Variants in PCDHA8 observed in about 807,000 individuals in gnomAD.
PCDHA8 encodes the protein protocadherin alpha-8.
Under a neutral mutation model 61.8 loss-of-function variants are expected in PCDHA8, and 53 were observed. That is an observed-to-expected ratio of 0.86 (90% CI 0.69 to 1.08). PCDHA8 has a LOEUF of 1.08. Among genes scored for constraint, PCDHA8 ranks in the 50% least tolerant of loss-of-function variants. The pLI is 0.00. For missense variants in PCDHA8, 1,293 were observed against 1,245.0 expected (o/e 1.04, Z -0.58); for synonymous variants, 618 against 556.6 (o/e 1.11, Z -1.55).
chr5:140,875,386 C>G, intron 1 of PCDHA8: 1 of 1,465,972 alleles, frequency 6.8e-7, no homozygotes, highest in Non-Finnish European at 9.0e-7. Flanking sequence ...TATGTACTTA[C>G]AGAAAAGGGT....
chr5:140,851,482 A>G lies in PCDHA8; in HGVS notation c.2394+7767A>G, dbSNP rs920921115. ...AATTATGTCAATAAATGTTATAAAC[A>G]CAGCCTTCATTTCAACTTATATAAA... On this transcript the variant is annotated intron_variant, in intron 1 of 3. Coordinates refer to ENST00000531613, the MANE Select transcript of PCDHA8 (RefSeq NM_018911.3). 35 of 893,414 alleles carry G rather than the reference A, an allele frequency of 3.9e-5. 3 individuals carry two copies. The highest frequency in any genetic ancestry group is 4.2e-5 in the Non-Finnish European group (31 of 732,620). The allele number at this position is 893,414 out of a possible 1,614,324, so 55.3% of individuals were successfully genotyped here. A position where few individuals can be genotyped will look rare whatever the true frequency, so the allele number is the denominator to read the frequency against.
chr5:140,889,205 A>G (rs573455914), intron 1 of PCDHA8, among the ~76,000 whole-genome samples: 1 of 151,946 alleles, frequency 6.6e-6, no homozygotes, highest in East Asian at 2.0e-4. Context: ...TGAATACTTA[A>G]CAAAGAAGAA....
chr5:140,915,283 C>T (rs1395177735), intron 1 of PCDHA8, among the ~76,000 whole-genome samples: 1 of 152,068 alleles, frequency 6.6e-6, no homozygotes, highest in African/African-American at 2.4e-5. Context: ...ATCATTTACT[C>T]TTTCTACTTA....
At chr5:140,977,813 C>T (rs1347788650) in intron 1 of PCDHA8, among the ~76,000 whole-genome samples, 1 of 152,192 alleles carries the variant, frequency 6.6e-6, no homozygotes, top group Non-Finnish European at 1.5e-5. Flanking sequence ...GAATTATTGA[C>T]AGTTTTGAAT....
chr5:140,993,293 A>G (rs1445204823), intron 3 of PCDHA8, among the ~76,000 whole-genome samples: 1 of 152,062 alleles, frequency 6.6e-6, no homozygotes, highest in African/African-American at 2.4e-5. Flanking sequence ...CAGGGTCACA[A>G]CCTTGCCTCC....
chr5:140,923,964 C>A (rs1410428693), intron 1 of PCDHA8, among the ~76,000 whole-genome samples: 1 of 152,160 alleles, frequency 6.6e-6, no homozygotes, highest in East Asian at 1.9e-4. Context: ...CTAATCTATA[C>A]CCACACATAC....
At chr5:140,927,610 A>C in intron 1 of PCDHA8, 2 of 1,614,162 alleles carry the variant, frequency 1.2e-6, no homozygotes, top group Non-Finnish European at 1.7e-6. Flanking sequence ...CGTATACCGC[A>C]CCAAGGTTCC....
chr5:140,927,980 G>A, intron 1 of PCDHA8: 2 of 1,614,220 alleles, frequency 1.2e-6, no homozygotes, highest in Non-Finnish European at 1.7e-6. Flanking sequence ...GCTCTCTTTA[G>A]TGTAAAGGAT....
intron 1 of PCDHA8, chr5:140,969,583 AG>A: frequency 1.1e-6 from 1 of 914,068 alleles, no homozygotes; most frequent in South Asian, 1.9e-5. Context: ...AGTGAGGATT[AG>A]TCTTAATATT....
chr5:140,927,720 G>T lies in PCDHA8; in HGVS notation c.2395-51229G>T. The T allele has an allele frequency of 3.1e-6, 5 of 1,614,174 alleles. No homozygotes were observed. The Middle Eastern group carries it at 4.9e-4, about 160-fold the overall frequency. On this transcript the variant is annotated intron_variant, in intron 1 of 3. Coordinates refer to ENST00000531613, the MANE Select transcript of PCDHA8 (RefSeq NM_018911.3). ...TCCAGTACTCCCTAAGCAACAGCACGCAAGCAGAGCTGCGACACCGCTTTC... is the reference window on the plus strand; with the variant it reads ...TCCAGTACTCCCTAAGCAACAGCACTCAAGCAGAGCTGCGACACCGCTTTC...
At chr5:140,849,935 G>T (rs2150458512) in intron 1 of PCDHA8, 2 of 1,597,924 alleles carry the variant, frequency 1.3e-6, no homozygotes, top group African/African-American at 2.7e-5. Context: ...TGTCTGCGCG[G>T]GACGCTGACG....
intron 1 of PCDHA8, among the ~76,000 whole-genome samples, chr5:140,964,685 A>G (rs1209867922): frequency 1.3e-5 from 2 of 152,036 alleles, no homozygotes; most frequent in African/African-American, 4.8e-5. Context: ...CAATTTGTGC[A>G]CTTGAGAGAT....
At chr5:140,863,749 G>A (rs1346198553) in intron 1 of PCDHA8, 2 of 245,258 alleles carry the variant, frequency 8.2e-6, no homozygotes, top group African/African-American at 2.2e-5. Context: ...TTGTAATCCC[G>A]GCACTTTGGG....
intron 1 of PCDHA8, among the ~76,000 whole-genome samples, chr5:140,962,736 C>T (rs1233355346): frequency 2.0e-5 from 3 of 152,136 alleles, no homozygotes; most frequent in Non-Finnish European, 4.4e-5. Flanking sequence ...TCTGGGGATG[C>T]ATGAAGATCA....
intron 1 of PCDHA8, chr5:140,869,524 C>T: frequency 6.2e-7 from 1 of 1,614,188 alleles, no homozygotes; most frequent in Non-Finnish European, 8.5e-7. Flanking sequence ...ACAAAAGCTG[C>T]TGATTGCGGA....
chr5:140,929,541 G>A, intron 1 of PCDHA8: 6 of 542,944 alleles, frequency 1.1e-5, no homozygotes, highest in Non-Finnish European at 1.8e-5. Context: ...AGAAACAAGG[G>A]CAAAAATTAA....
chr5:140,905,851 A>G (rs1345912722), intron 1 of PCDHA8, among the ~76,000 whole-genome samples: 1 of 152,204 alleles, frequency 6.6e-6, no homozygotes, highest in Non-Finnish European at 1.5e-5. Context: ...ATTAAGGAGT[A>G]TTAACTCACA....
In PCDHA8 at chr5:140,862,942, G is replaced by A. The variant is rs75462656; in HGVS notation, c.2394+19227G>A. 1.6e-3 allele frequency: 859 copies of A among 542,058 alleles called. 16 individuals carry two copies. In the East Asian group the frequency reaches 0.034, roughly 22 times the overall value. The allele number at this position is 542,058 out of a possible 1,614,324, so 33.6% of individuals were successfully genotyped here. ...GGTGGGCTGGCGGCGCTGTGAGTGA[G>A]CTGGTGCGGTATTCAGTGGATGCAG... On this transcript the variant is annotated intron_variant, in intron 1 of 3. Transcript: ENST00000531613.
At chr5:140,991,754 G>A (rs1554252407) in intron 3 of PCDHA8, among the ~76,000 whole-genome samples, 2 of 152,034 alleles carry the variant, frequency 1.3e-5, no homozygotes, top group African/African-American at 4.8e-5. Context: ...TTTCTATCAT[G>A]CTCTTCAAAA....
Sources: allele counts gnomAD v4.1 joint callset (sites outside exome capture counted in the v4.1 genomes callset), GRCh38; gene constraint gnomAD v4.1.1; transcripts MANE v1.5; gene names NCBI Gene and HGNC (gene_info 2026-07-23, HGNC 2026-07-21).